Variants in SLCO1B1 observed in about 807,000 individuals in gnomAD.
The protein encoded by SLCO1B1 is solute carrier organic anion transporter family member 1B1, also known as OATP-2.
SLCO1B1 carries 81 observed loss-of-function variants against 70.1 expected under a neutral mutation model. That is an observed-to-expected ratio of 1.16 (90% CI 0.97 to 1.39). SLCO1B1 has a LOEUF of 1.39. SLCO1B1 is among the 40% of genes most tolerant of loss of function. The pLI is 0.00. For missense variants in SLCO1B1, 895 were observed against 799.6 expected, an observed-to-expected ratio of 1.12 and a Z score of -1.44; for synonymous variants, 283 against 271.5, an observed-to-expected ratio of 1.04 and a Z score of -0.42.
intron 2 of SLCO1B1, among the ~76,000 whole-genome samples, chr12:21,158,833 A>C (rs12426084): frequency 0.46 from 70,002 of 151,892 alleles, 19,176 homozygotes; most frequent in South Asian, 0.72. Context: ...AAAACAATTT[A>C]CTAAAACAAA....
At chr12:21,162,836 G>A (rs188115858) in intron 2 of SLCO1B1, among the ~76,000 whole-genome samples, 41 of 152,222 alleles carry the variant, frequency 2.7e-4, no homozygotes, top group Admixed American at 2.6e-3. Flanking sequence ...AGTTGGAATA[G>A]TTCCTGAAAA....
chr12:21,186,568 A>C lies in SLCO1B1; in HGVS notation c.727+7548A>C, dbSNP rs1201845148. The stretch of plus-strand genomic sequence containing the variant: ...AAACTGAGAAAAGTCACGACATTAC[A>C]AGAAAAAGTTGTATTGCTTGATATA... On this transcript the variant is annotated intron_variant, in intron 7 of 14. Transcript: ENST00000256958. Among the ~76,000 whole-genome samples the C allele has an allele frequency of 2.0e-5, 3 of 152,120 alleles. No individual in the cohort carries two copies. The East Asian group carries it at 5.8e-4, about 29-fold the overall frequency.
chr12:21,134,057 TG>T (rs1940179566), intron 1 of SLCO1B1, among the ~76,000 whole-genome samples: 1 of 152,246 alleles, frequency 6.6e-6, no homozygotes, highest in South Asian at 2.1e-4. Flanking sequence ...TGTTGAATTT[TG>T]TCAAAGGCCT....
intron 14 of SLCO1B1, among the ~76,000 whole-genome samples, chr12:21,227,354 A>G (rs1309433238): frequency 1.3e-5 from 2 of 152,170 alleles, no homozygotes; most frequent in East Asian, 3.8e-4. Flanking sequence ...AAGAATGTGT[A>G]TGGAGCATGC....
chr12:21,151,069 A>G (rs1940464919), intron 2 of SLCO1B1, among the ~76,000 whole-genome samples: 1 of 152,212 alleles, frequency 6.6e-6, no homozygotes, highest in South Asian at 2.1e-4. Flanking sequence ...ATTATAGCCT[A>G]CTACACACCT....
At chr12:21,160,120 A>C (rs1465052940) in intron 2 of SLCO1B1, among the ~76,000 whole-genome samples, 1 of 151,378 alleles carries the variant, frequency 6.6e-6, no homozygotes, top group African/African-American at 2.4e-5. Context: ...AAAAAAAAAA[A>C]AAAAAACTAT....
intron 1 of SLCO1B1, among the ~76,000 whole-genome samples, chr12:21,138,595 T>C (rs1452436679): frequency 1.3e-5 from 2 of 152,126 alleles, no homozygotes; most frequent in Non-Finnish European, 2.9e-5. Flanking sequence ...ATATTTTATC[T>C]GAAGATCTAG....
intron 2 of SLCO1B1, among the ~76,000 whole-genome samples, chr12:21,161,430 G>A (rs1484373439): frequency 6.6e-6 from 1 of 152,152 alleles, no homozygotes; most frequent in Non-Finnish European, 1.5e-5. Flanking sequence ...AATACTTCAT[G>A]TTCTCACTTA....
chr12:21,211,971 G>C (rs1038067102), intron 11 of SLCO1B1, among the ~76,000 whole-genome samples: 2 of 149,078 alleles, frequency 1.3e-5, no homozygotes, highest in African/African-American at 5.0e-5. Flanking sequence ...TATTAGTCTT[G>C]CTAGCGGTCT....
At chr12:21,222,262 A>G in intron 12 of SLCO1B1, 38 bp from the exon 13 acceptor site, 1 of 1,011,812 alleles carries the variant, frequency 9.9e-7, no homozygotes. Flanking sequence ...TGATATTTTA[A>G]TGATATTTAA....
At chr12:21,168,337 G>A (rs775092879) in intron 2 of SLCO1B1, among the ~76,000 whole-genome samples, 53 of 152,224 alleles carry the variant, frequency 3.5e-4, no homozygotes, top group Middle Eastern at 3.4e-3. Context: ...CATCTTGGCC[G>A]TTGTTAATAA....
chr12:21,235,955 C>T (rs1203288466), intron 14 of SLCO1B1, among the ~76,000 whole-genome samples: 1 of 152,012 alleles, frequency 6.6e-6, no homozygotes, highest in East Asian at 1.9e-4. Flanking sequence ...TAATTTGGCC[C>T]TTTTCTCTAG....
chr12:21,149,485 A>G (rs765159764), intron 2 of SLCO1B1, among the ~76,000 whole-genome samples: 1 of 152,160 alleles, frequency 6.6e-6, no homozygotes, highest in Admixed American at 6.5e-5. Context: ...TGATTTCTGC[A>G]TTTCCAACTG....
At chr12:21,235,670 G>A (rs1002483081) in intron 14 of SLCO1B1, among the ~76,000 whole-genome samples, 5 of 151,968 alleles carry the variant, frequency 3.3e-5, no homozygotes, top group African/African-American at 1.2e-4. Context: ...TGCTTTTATA[G>A]TAGCAAGTAT....
rs2169967 is a variant in SLCO1B1, at chr12:21,144,530, G to C, written c.84+2872G>C. On this transcript the variant is annotated intron_variant, in intron 2 of 14. Coordinates refer to ENST00000256958, the MANE Select transcript of SLCO1B1 (RefSeq NM_006446.5). ...TGAAAAATTTCCCAGTCTTGCTAGA[G>C]AGGTGGATATGCAAGTTCAAAAAAT... is the stretch of plus-strand genomic sequence containing the variant. Among the ~76,000 whole-genome samples the C allele has an allele frequency of 2.1e-3, 317 of 152,196 alleles. 1 individual carries two copies. The highest frequency in any genetic ancestry group is 6.8e-3 in the Middle Eastern group (2 of 294).
intron 2 of SLCO1B1, among the ~76,000 whole-genome samples, chr12:21,164,557 A>G (rs1450663574): frequency 6.6e-6 from 1 of 152,112 alleles, no homozygotes; most frequent in Non-Finnish European, 1.5e-5. Context: ...AGAATTAACC[A>G]TCTAAAATTT....
At chr12:21,153,699 T>C (rs545877614) in intron 2 of SLCO1B1, among the ~76,000 whole-genome samples, 2 of 152,120 alleles carry the variant, frequency 1.3e-5, no homozygotes, top group Non-Finnish European at 2.9e-5. Context: ...AATTTTTTTC[T>C]TACAAAAGCA....
At chr12:21,140,371 A>G (rs982097565) in intron 1 of SLCO1B1, among the ~76,000 whole-genome samples, 3 of 152,068 alleles carry the variant, frequency 2.0e-5, no homozygotes, top group Admixed American at 1.3e-4. Flanking sequence ...CTAAAACTCC[A>G]TGAAGAACAC....
intron 1 of SLCO1B1, among the ~76,000 whole-genome samples, chr12:21,139,901 T>G (rs1294370539): frequency 6.6e-6 from 1 of 151,916 alleles, no homozygotes; most frequent in Non-Finnish European, 1.5e-5. Context: ...CCAAAGATAG[T>G]GCTGAAGTGC....
Sources: gnomAD v4.1 joint callset for allele counts (sites outside exome capture counted in the v4.1 genomes callset) on GRCh38, gnomAD v4.1.1 for gene constraint, MANE v1.5 for transcripts, NCBI Gene and HGNC (gene_info 2026-07-23, HGNC 2026-07-21) for gene names.